CXCL17: variants seen among roughly 807,000 people sequenced by gnomAD.
CXCL17 encodes C-X-C motif chemokine ligand 17, also known as C-X-C motif chemokine 17.
In CXCL17, 9 loss-of-function variants were observed where a neutral mutation model predicts 15.5. That is an observed-to-expected ratio of 0.58 (90% CI 0.35 to 1.01). The LOEUF is 1.01. CXCL17 is among the 50% of genes least tolerant of loss of function. CXCL17 has a pLI of 0.02. For synonymous variants in CXCL17, 52 were observed against 52.3 expected (o/e 0.99, Z 0.02); for missense variants, 133 against 138.2 (o/e 0.96, Z 0.19).
At chr19:42,439,907 G>A (rs2147704239) in intron 1 of CXCL17, among the ~76,000 whole-genome samples, 1 of 152,230 alleles carries the variant, frequency 6.6e-6, no homozygotes, top group East Asian at 1.9e-4. Flanking sequence ...GGACATGAGT[G>A]GGATGATTAG....
chr19:42,428,952 T>C lies in CXCL17; in HGVS notation c.292A>G (p.Lys98Glu). 1.2e-6 allele frequency: 2 copies of C among 1,614,132 alleles called. No individual in the cohort carries two copies. The highest frequency in any genetic ancestry group is 1.7e-6 in the Non-Finnish European group (2 of 1,179,998). The change falls in exon 4 of 4, where the codon AAG becomes GAG. Residue 98 changes from lysine (K) to glutamate (E), a missense_variant. Transcript: ENST00000601181. ...AATTGCTGGCAGGCTCTGGAATGCT[T>C]GTTTGGCTTTCTGTGGTGCCTTTGG... is the stretch of plus-strand genomic sequence containing the variant. ...RHQRHHRKPN[K>E]HSRACQQFLK...
rs550076029 is a variant in CXCL17, at chr19:42,435,745, G to A, written c.80-1889C>T. Among the ~76,000 whole-genome samples the A allele has an allele frequency of 3.1e-4, 47 of 151,342 alleles. No homozygotes were observed. The South Asian group carries it at 9.6e-3, about 31-fold the overall frequency. ...CTTGGAAGGCTGAGGCAGGAGAATT[G>A]CTTGAACCCGGGAGGCAAAGGTTGC... On this transcript the variant is annotated intron_variant, in intron 1 of 3. Coordinates refer to ENST00000601181, the MANE Select transcript of CXCL17 (RefSeq NM_198477.3).
At chr19:42,438,426 C>G (rs2040859297) in intron 1 of CXCL17, among the ~76,000 whole-genome samples, 1 of 137,394 alleles carries the variant, frequency 7.3e-6, no homozygotes, top group Non-Finnish European at 1.5e-5. Context: ...CACACACACA[C>G]ACACACACAC....
intron 1 of CXCL17, among the ~76,000 whole-genome samples, chr19:42,435,921 A>G (rs2040830310): frequency 1.3e-5 from 2 of 151,922 alleles, no homozygotes; most frequent in African/African-American, 2.4e-5. Context: ...ACTGTCTGCA[A>G]CCTGGAAGAG....
At chr19:42,430,907 G>A (rs546197205) in intron 3 of CXCL17, among the ~76,000 whole-genome samples, 2 of 151,958 alleles carry the variant, frequency 1.3e-5, no homozygotes, top group Admixed American at 1.3e-4. Context: ...GCGTGATCTT[G>A]GCTCACTGCA....
intron 3 of CXCL17, among the ~76,000 whole-genome samples, chr19:42,430,353 T>G (rs1600157033): frequency 6.6e-6 from 1 of 152,194 alleles, no homozygotes; most frequent in East Asian, 1.9e-4. Context: ...CCCTGCACTT[T>G]GGGAGCCCGA....
chr19:42,436,915 G>A (rs915488452), intron 1 of CXCL17, among the ~76,000 whole-genome samples: 6 of 152,030 alleles, frequency 3.9e-5, no homozygotes, highest in African/African-American at 1.4e-4. Flanking sequence ...CTATACTAAT[G>A]TTTAAATTTT....
In CXCL17 at chr19:42,442,768, C is replaced by T. The variant is rs2040907563; in HGVS notation, c.65G>A (p.Ser22Asn). 5.6e-6 allele frequency: 9 copies of T among 1,612,426 alleles called. No individual in the cohort carries two copies. In the East Asian group the frequency reaches 2.0e-4, roughly 36 times the overall value. The stretch of plus-strand genomic sequence containing the variant: ...GTCTTGTTTACCTGGATTCAGGCTG[C>T]TAGAGACCATGGACATCAGCATTAG... ...LPLMLMSMVS[S>N]SLNPGVARGH... is the part of the protein sequence containing the mutation. The change falls in exon 1 of 4, where the codon AGC becomes AAC. Residue 22 changes from serine (S) to asparagine (N), a missense_variant. Ser to Asn is a conservative substitution (Grantham distance 46, BLOSUM62 1). Transcript: ENST00000601181.
At chr19:42,433,447 A>G (rs919368179) in intron 2 of CXCL17, among the ~76,000 whole-genome samples, 1 of 152,210 alleles carries the variant, frequency 6.6e-6, no homozygotes, top group African/African-American at 2.4e-5. Context: ...TGTGAGTAAA[A>G]TAAGGCTGAG....
At chr19:42,432,874 T>C (rs2040796905) in intron 3 of CXCL17, 102 bp downstream of exon 3, 1 of 826,202 alleles carries the variant, frequency 1.2e-6, no homozygotes, top group African/African-American at 1.7e-5. Flanking sequence ...GTGCTTATCC[T>C]GGTCTTAATT....
intron 3 of CXCL17, 55 bp from the exon 4 acceptor site, chr19:42,429,036 T>G: frequency 7.2e-7 from 1 of 1,386,238 alleles, no homozygotes; most frequent in Non-Finnish European, 1.0e-6. Flanking sequence ...TAACATTTCT[T>G]TTTTTTTTGG....
At chr19:42,433,418 C>G (rs1184965546) in intron 2 of CXCL17, among the ~76,000 whole-genome samples, 4 of 152,168 alleles carry the variant, frequency 2.6e-5, no homozygotes, top group Non-Finnish European at 5.9e-5. Flanking sequence ...CATTTTGCCT[C>G]TCTGCTTTCA....
At chr19:42,433,933 G>T in intron 1 of CXCL17, 77 bp from the exon 2 acceptor site, 1 of 1,017,718 alleles carries the variant, frequency 9.8e-7, no homozygotes, top group Non-Finnish European at 1.5e-6. Flanking sequence ...TTCTACCTAG[G>T]TCAGCACAGT....
At chr19:42,442,062 C>T (rs1412929808) in intron 1 of CXCL17, among the ~76,000 whole-genome samples, 1 of 152,116 alleles carries the variant, frequency 6.6e-6, no homozygotes, top group African/African-American at 2.4e-5. Flanking sequence ...AACACTCTCC[C>T]ACCATCATCA....
Position 42,433,778 on chromosome 19 carries a change from T to C in CXCL17, c.158A>G (p.Lys53Arg). 6.2e-7 allele frequency: 1 copy of C among 1,613,744 alleles called. No homozygotes were observed. Among genetic ancestry groups the C allele is most frequent in the Non-Finnish European group, 8.5e-7 (1 of 1,179,772 alleles). ...GTTGTTGTTGCTGAATTACTGACCTTTGCACTCACATTCTTGGCCGCCTTC... is the reference window on the plus strand; with the variant it reads ...GTTGTTGTTGCTGAATTACTGACCTCTGCACTCACATTCTTGGCCGCCTTC... ...LQEGGQECEC[K>R]DWFLRAPRRK... The change falls in exon 2 of 4, where the codon AAA (lysine) becomes AGA (arginine). Residue 53 changes from lysine (K) to arginine (R), a missense_variant and splice_region_variant. Coordinates refer to ENST00000601181, the MANE Select transcript of CXCL17 (RefSeq NM_198477.3).
intron 3 of CXCL17, among the ~76,000 whole-genome samples, chr19:42,432,373 G>A (rs2040792280): frequency 6.6e-6 from 1 of 151,996 alleles, no homozygotes; most frequent in African/African-American, 2.4e-5. Context: ...TTGAACTCCT[G>A]GCCTCAAGCA....
chr19:42,438,908 A>G (rs1249371713), intron 1 of CXCL17, among the ~76,000 whole-genome samples: 2 of 152,208 alleles, frequency 1.3e-5, no homozygotes, highest in Non-Finnish European at 2.9e-5. Flanking sequence ...ATTCCAACCC[A>G]TAAATACTCA....
At chr19:42,435,201 A>G (rs1419193671) in intron 1 of CXCL17, among the ~76,000 whole-genome samples, 1 of 151,978 alleles carries the variant, frequency 6.6e-6, no homozygotes, top group Non-Finnish European at 1.5e-5. Flanking sequence ...AAAATTCCTA[A>G]GACAATCAAG....
chr19:42,431,623 T>A (rs996256115), intron 3 of CXCL17, among the ~76,000 whole-genome samples: 2 of 151,518 alleles, frequency 1.3e-5, no homozygotes, highest in Non-Finnish European at 2.9e-5. Context: ...CATTTTTTTT[T>A]CATTAATATA....
Sources: allele counts gnomAD v4.1 joint callset (sites outside exome capture counted in the v4.1 genomes callset), GRCh38; gene constraint gnomAD v4.1.1; transcripts MANE v1.5; gene names NCBI Gene and HGNC (gene_info 2026-07-23, HGNC 2026-07-21).